The following FRMD8 variants were observed in gnomAD, a reference collection of about 807,000 sequenced individuals.
FRMD8 encodes FERM domain-containing protein 8.
A neutral mutation model predicts 54.2 loss-of-function variants in FRMD8; 37 were observed. The observed-to-expected ratio is 0.68, with a 90% CI of 0.53 to 0.90. FRMD8 has a LOEUF of 0.90. Among genes scored for constraint, FRMD8 ranks in the 40% least tolerant of loss-of-function variants. FRMD8 has a pLI of 0.00. For synonymous variants in FRMD8, 246 were observed against 286.9 expected (o/e 0.86, Z 1.44); for missense variants, 585 against 653.7 (o/e 0.89, Z 1.15).
chr11:65,411,336 C>G lies in FRMD8; in HGVS notation c.1371C>G (p.Pro457=), dbSNP rs529038057. Residue 457 remains proline, a synonymous_variant, in exon 11 of 11, where the codon CCC becomes CCG. Transcript: ENST00000317568. ...AGGGGAGCTACACCGTGGTGCAGCCCGGCGACAGCCTGGAGCAGGGCTGAG... is the reference window on the plus strand; with the variant it reads ...AGGGGAGCTACACCGTGGTGCAGCCGGGCGACAGCCTGGAGCAGGGCTGAG... ...LGQGSYTVVQ[P]GDSLEQG The G allele has an allele frequency of 1.2e-5, 20 of 1,603,062 alleles. No homozygotes were observed. The highest frequency in any genetic ancestry group is 5.1e-5 in the Admixed American group (3 of 58,970).
chr11:65,402,208 G>A (rs561574054), intron 9 of FRMD8, among the ~76,000 whole-genome samples: 12 of 152,060 alleles, frequency 7.9e-5, no homozygotes, highest in Admixed American at 1.3e-4. Context: ...AAAATTGGCC[G>A]GGTGTGGTGG....
chr11:65,409,224 T>G (rs187111496), intron 10 of FRMD8, among the ~76,000 whole-genome samples: 1 of 152,054 alleles, frequency 6.6e-6, no homozygotes, highest in East Asian at 1.9e-4. Flanking sequence ...GTAGCTGGGA[T>G]TGCAGGCGCC....
At position 65,411,727 on chromosome 11, in the gene FRMD8, G is replaced by T. The variant is rs527265651; in HGVS notation, c.*367G>T. On this transcript the variant is annotated 3_prime_UTR_variant, in exon 11 of 11. Transcript: ENST00000317568. ...TCTGAAGTGCCCAGTGGCAGCTCCA[G>T]TGGTAGAGGACCAAGGATTGAGGTT... is the stretch of plus-strand genomic sequence containing the variant. The T allele has an allele frequency of 4.4e-4, 77 of 176,070 alleles. No individual in the cohort carries two copies. Among genetic ancestry groups the T allele is most frequent in the Non-Finnish European group, 8.0e-4 (67 of 83,798 alleles). 10.9% of individuals were successfully genotyped at this position (176,070 alleles called of 1,614,324 possible).
At chr11:65,402,916 T>C (rs995494978) in intron 9 of FRMD8, among the ~76,000 whole-genome samples, 2 of 152,234 alleles carry the variant, frequency 1.3e-5, no homozygotes, top group African/African-American at 2.4e-5. Flanking sequence ...TTTTTGTTTT[T>C]TTTGAAACAC....
At position 65,389,416 on chromosome 11, in the gene FRMD8, G is replaced by T; in HGVS notation, c.141G>T (p.Glu47Asp). 1.2e-6 allele frequency: 2 copies of T among 1,610,724 alleles called. No homozygotes were observed. The highest frequency in any genetic ancestry group is 8.5e-7 in the Non-Finnish European group (1 of 1,179,980). ...ADDTVVPLAV[E>D]NLPSLSAHEL... is the part of the protein sequence containing the mutation. ...ACACGGTGGTGCCCCTGGCTGTGGAGAACCTGCCCTCGCTCAGTGCCCATG... is the reference window on the plus strand; with the variant it reads ...ACACGGTGGTGCCCCTGGCTGTGGATAACCTGCCCTCGCTCAGTGCCCATG... The change falls in exon 3 of 11, where the codon GAG becomes GAT. Residue 47 changes from glutamate (E) to aspartate (D), a missense_variant. Glu to Asp is a conservative substitution (Grantham distance 45). Transcript: ENST00000317568.
At chr11:65,385,834 G>A (rs1204354096), upstream of FRMD8, among the ~76,000 whole-genome samples, 1 of 150,950 alleles carries the variant, frequency 6.6e-6, no homozygotes, top group Non-Finnish European at 1.5e-5. Context: ...TCTCGCCGTC[G>A]CCCAGGCTAG....
chr11:65,387,263 T>G, intron 2 of FRMD8, 142 bp downstream of exon 2: 1 of 794,358 alleles, frequency 1.3e-6, no homozygotes, highest in Non-Finnish European at 2.1e-6. Flanking sequence ...TGTGGAAAAC[T>G]CACAGAAGTC....
chr11:65,411,853 T>C lies in FRMD8; in HGVS notation c.*493T>C, dbSNP rs1319120718. 1 of 153,158 alleles carries C rather than the reference T, an allele frequency of 6.5e-6. No homozygotes were observed. Among genetic ancestry groups the C allele is most frequent in the African/African-American group, 2.4e-5 (1 of 41,426 alleles). The allele number at this position is 153,158 out of a possible 1,614,324, so 9.5% of individuals were successfully genotyped here. A position where few individuals can be genotyped will look rare whatever the true frequency, so the allele number is the denominator to read the frequency against. On this transcript the variant is annotated 3_prime_UTR_variant, in exon 11 of 11. Coordinates refer to ENST00000317568, the MANE Select transcript of FRMD8 (RefSeq NM_031904.5). ...TAGTGCTCCACCCCCCGGACTTGGATGACCAGTTTCCCACCTTCCTCCTGC... is the reference window on the plus strand; with the variant it reads ...TAGTGCTCCACCCCCCGGACTTGGACGACCAGTTTCCCACCTTCCTCCTGC...
At chr11:65,390,881 G>A (rs1391772578) in intron 3 of FRMD8, among the ~76,000 whole-genome samples, 2 of 152,274 alleles carry the variant, frequency 1.3e-5, no homozygotes, top group Admixed American at 6.5e-5. Flanking sequence ...CCGTGAATGG[G>A]CTGCTTTGTT....
chr11:65,381,062 C>T, the FRMD8 span: 3 of 154,916 alleles, frequency 1.9e-5, no homozygotes, highest in African/African-American at 7.2e-5. Flanking sequence ...CCTGTGCCTT[C>T]CTCTCTTCTT....
At chr11:65,379,508 G>C in the FRMD8 span, 8 of 1,613,908 alleles carry the variant, frequency 5.0e-6, no homozygotes, top group Non-Finnish European at 6.8e-6. Flanking sequence ...GGACAGAGTT[G>C]ACCACAGCTA....
At position 65,400,709 on chromosome 11, in the gene FRMD8, T is replaced by C; in HGVS notation, c.928-15T>C. On this transcript the variant is annotated splice_polypyrimidine_tract_variant and intron_variant, in intron 8 of 10. Coordinates refer to ENST00000317568, the MANE Select transcript of FRMD8 (RefSeq NM_031904.5). This position sits in a 1 kb window ranked among gnomAD's most constrained non-coding sequence, Gnocchi z 4.3. ...CCCAGGGGTCAAGCCTGGCTCTGTG[T>C]CTCCTGCTGGCCAGCATGTCCTGCT... is the stretch of plus-strand genomic sequence containing the variant. 6.4e-7 allele frequency: 1 copy of C among 1,566,318 alleles called. No homozygotes were observed. Among genetic ancestry groups the C allele is most frequent in the Non-Finnish European group, 8.6e-7 (1 of 1,157,472 alleles).
At chr11:65,380,203 G>A in the FRMD8 span, 1 of 1,613,950 alleles carries the variant, frequency 6.2e-7, no homozygotes, top group Non-Finnish European at 8.5e-7. Context: ...TGCTATGAGT[G>A]AGGGCCCTCG....
chr11:65,411,118 A>T (rs953017922), intron 10 of FRMD8, 124 bp from the exon 11 acceptor site: 5 of 687,682 alleles, frequency 7.3e-6, no homozygotes, highest in Non-Finnish European at 1.2e-5. Flanking sequence ...GGATGAGGGG[A>T]GCTCAGTCTG....
the FRMD8 span, among the ~76,000 whole-genome samples, chr11:65,370,521 G>T: frequency 2.0e-5 from 3 of 151,840 alleles, no homozygotes; most frequent in Non-Finnish European, 4.4e-5. Flanking sequence ...CCAAGATGGT[G>T]AAACCCCATC....
At chr11:65,384,219 C>T (rs1002224366), upstream of FRMD8, among the ~76,000 whole-genome samples, 2 of 152,158 alleles carry the variant, frequency 1.3e-5, no homozygotes, top group South Asian at 2.1e-4. Context: ...TACTGTCTAA[C>T]ACGCCTGCCC....
intron 10 of FRMD8, among the ~76,000 whole-genome samples, chr11:65,406,432 G>A (rs1488452033): frequency 6.6e-6 from 1 of 151,840 alleles, no homozygotes; most frequent in African/African-American, 2.4e-5. Flanking sequence ...CTGACCTTGT[G>A]GTCCATCCGC....
chr11:65,407,912 C>G (rs1856240299), intron 10 of FRMD8, among the ~76,000 whole-genome samples: 1 of 148,152 alleles, frequency 6.7e-6, no homozygotes, highest in Non-Finnish European at 1.5e-5. Flanking sequence ...AAATGAGTAA[C>G]AGGACAGCAT....
chr11:65,377,181 T>A, the FRMD8 span: 606 of 1,476,294 alleles, frequency 4.1e-4, 11 homozygotes, highest in African/African-American at 7.8e-3. Flanking sequence ...CATCTTCCAG[T>A]CCCTCAGGAA....
Sources: allele counts gnomAD v4.1 joint callset (sites outside exome capture counted in the v4.1 genomes callset), GRCh38; gene constraint gnomAD v4.1.1; non-coding constraint Gnocchi (gnomAD v3.1); transcripts MANE v1.5; gene names NCBI Gene and HGNC (gene_info 2026-07-23, HGNC 2026-07-21).